Variants in DST observed in about 807,000 individuals in gnomAD.
DST encodes bullous pemphigoid antigen.
A neutral mutation model predicts 875.2 loss-of-function variants in DST; 253 were observed. That is an observed-to-expected ratio of 0.29 (90% CI 0.26 to 0.32). DST has a LOEUF of 0.32. DST is among the 10% of genes least tolerant of loss of function. The pLI is 1.00. For missense variants in DST, 8,287 were observed against 9,111.6 expected (o/e 0.91, Z 3.68); for synonymous variants, 3,124 against 3,197.1 (o/e 0.98, Z 0.77).
At chr6:56,640,710 G>A in intron 17 of DST, 105 bp from the exon 18 acceptor site, 4 of 934,950 alleles carry the variant, frequency 4.3e-6, no homozygotes, top group Non-Finnish European at 5.1e-6. Context: ...ATGTATCAAT[G>A]TTGGCTTATC....
intron 10 of DST, among the ~76,000 whole-genome samples, chr6:56,652,775 T>C (rs1246234868): frequency 3.3e-5 from 5 of 152,178 alleles, no homozygotes; most frequent in Non-Finnish European, 7.4e-5. Context: ...CCTTTAATGT[T>C]TTCAACCTGC....
intron 4 of DST, among the ~76,000 whole-genome samples, chr6:56,822,996 AT>A (rs989249197): frequency 6.6e-5 from 10 of 151,352 alleles, no homozygotes; most frequent in African/African-American, 2.4e-4. Context: ...AGCCTGGCTA[AT>A]TTTTTTTGTA....
chr6:56,529,942 T>A (rs976183975), intron 65 of DST, 32 bp downstream of exon 65: 1 of 1,608,816 alleles, frequency 6.2e-7, no homozygotes, highest in African/African-American at 1.3e-5. Flanking sequence ...CAATAAAAAC[T>A]GAACCTCGCT....
chr6:56,888,184 G>A (rs1785549455), intron 3 of DST, among the ~76,000 whole-genome samples: 3 of 151,996 alleles, frequency 2.0e-5, no homozygotes, highest in East Asian at 1.9e-4. Context: ...TCTTGACCTC[G>A]TGATCCGCCC....
chr6:56,903,763 T>C (rs1440836035), intron 2 of DST, among the ~76,000 whole-genome samples: 1 of 152,212 alleles, frequency 6.6e-6, no homozygotes, highest in Non-Finnish European at 1.5e-5. Context: ...CGGCCAAAAA[T>C]TCTAAACCAC....
intron 87 of DST, among the ~76,000 whole-genome samples, chr6:56,486,849 A>T (rs767277064): frequency 6.6e-6 from 1 of 152,196 alleles, no homozygotes; most frequent in Non-Finnish European, 1.5e-5. Context: ...AGTCAGAAGC[A>T]GTGGGTGTAG....
At chr6:56,808,618 C>T (rs762965615) in intron 4 of DST, among the ~76,000 whole-genome samples, 25 of 152,264 alleles carry the variant, frequency 1.6e-4, no homozygotes, top group Non-Finnish European at 2.6e-4. Context: ...AAGAAGACTA[C>T]GGATGTGGCT....
At chr6:56,938,108 C>CTA (rs3031114) in intron 2 of DST, among the ~76,000 whole-genome samples, 22 of 120,750 alleles carry the variant, frequency 1.8e-4, no homozygotes, top group East Asian at 6.9e-4. Context: ...CTCTCTCTCT[C>CTA]TATATATATA....
intron 86 of DST, among the ~76,000 whole-genome samples, chr6:56,487,488 T>A (rs961313950): frequency 4.6e-5 from 7 of 152,206 alleles, no homozygotes; most frequent in African/African-American, 1.2e-4. Flanking sequence ...ATAAAGTACC[T>A]AAGATATTCA....
In DST at chr6:56,647,227, G is replaced by A. The variant is rs150246103; in HGVS notation, c.1555-1045C>T. On this transcript the variant is annotated intron_variant, in intron 13 of 103. Transcript: ENST00000680361. ...GGACGTCTGTTGGTCATTAAGCACCGAATACTCCTGTGTGCTAAACACTGT... is the reference window on the plus strand; with the variant it reads ...GGACGTCTGTTGGTCATTAAGCACCAAATACTCCTGTGTGCTAAACACTGT... Among the ~76,000 whole-genome samples the A allele has an allele frequency of 5.9e-3, 893 of 152,342 alleles. 4 individuals carry two copies. Among genetic ancestry groups the A allele is most frequent in the African/African-American group, 0.021 (853 of 41,570 alleles).
At chr6:56,750,577 T>C (rs1022327589) in intron 4 of DST, among the ~76,000 whole-genome samples, 10 of 152,096 alleles carry the variant, frequency 6.6e-5, no homozygotes, top group Admixed American at 4.6e-4. Flanking sequence ...CACCTTCTAG[T>C]CCCTAAGACA....
intron 4 of DST, among the ~76,000 whole-genome samples, chr6:56,837,254 ATAC>A (rs895674771): frequency 2.0e-5 from 3 of 152,340 alleles, no homozygotes; most frequent in East Asian, 1.9e-4. Flanking sequence ...TAATAAATAC[ATAC>A]TACAAGTTTT....
Position 56,607,514 on chromosome 6 carries a change from G to T in DST, c.7114C>A (p.Gln2372Lys). The change falls in exon 40 of 104, where the codon CAA (glutamine) becomes AAA (lysine). Residue 2372 changes from glutamine to lysine, a missense_variant. This residue lies in a region of DST where 3,138 missense variants were observed against 3,116.6 expected (regional missense o/e 1.01). Transcript: ENST00000680361. Reference protein sequence around the residue: ...SENILTNYENQSRVETNERAN... With the variant: ...SENILTNYENKSRVETNERAN... ...CGTTCATTTGTTTCCACTCGGCTTT[G>T]ATTTTCATAGTTTGTAAGTATGTTT... 1 of 1,600,312 alleles carries T rather than the reference G, an allele frequency of 6.2e-7. No homozygotes were observed. The highest frequency in any genetic ancestry group is 1.1e-5 in the South Asian group (1 of 89,738).
rs115360093 is a variant in DST, at chr6:56,935,433, C to T, written c.216+18352G>A. On this transcript the variant is annotated intron_variant, in intron 2 of 103. Coordinates refer to ENST00000680361, the MANE Select transcript of DST (RefSeq NM_001374736.1). Reference sequence around the variant, plus strand: ...ACTATTTAATGTTCTTTTAATGATTCTTCAAAGTTGGTCAGTTAGTTATTT... The same window carrying T: ...ACTATTTAATGTTCTTTTAATGATTTTTCAAAGTTGGTCAGTTAGTTATTT... Among the ~76,000 whole-genome samples the T allele has an allele frequency of 9.0e-3, 1,377 of 152,316 alleles. 24 individuals carry two copies. Among genetic ancestry groups the T allele is most frequent in the African/African-American group, 0.031 (1,308 of 41,574 alleles).
intron 50 of DST, 62 bp downstream of exon 50, chr6:56,578,752 A>T (rs543591020): frequency 1.9e-6 from 3 of 1,569,130 alleles, no homozygotes; most frequent in Non-Finnish European, 2.6e-6. Context: ...CTCCATATCT[A>T]TTAGGACACC....
chr6:56,742,220 C>G (rs1440542878), intron 4 of DST: 1 of 1,155,698 alleles, frequency 8.7e-7, no homozygotes, highest in Non-Finnish European at 1.2e-6. Context: ...TGCAACTTTC[C>G]CTTCCCAGTT....
At chr6:56,862,258 T>C (rs1270782051) in intron 3 of DST, among the ~76,000 whole-genome samples, 1 of 152,108 alleles carries the variant, frequency 6.6e-6, no homozygotes, top group East Asian at 1.9e-4. Context: ...CCAGCATCCT[T>C]TCTCATTTTA....
chr6:56,527,532 C>T lies in DST; in HGVS notation c.17883G>A (p.Leu5961=), dbSNP rs1297358590. The T allele has an allele frequency of 1.2e-6, 2 of 1,613,688 alleles. No individual in the cohort carries two copies. Among genetic ancestry groups the T allele is most frequent in the Admixed American group, 1.7e-5 (1 of 59,898 alleles). The change falls in exon 68 of 104, where the codon CTG becomes CTA. Residue 5961 remains leucine (L), a synonymous_variant. Coordinates refer to ENST00000680361, the MANE Select transcript of DST (RefSeq NM_001374736.1). ...GTGCTTGACTTGCTTCTTCTCCTTT[C>T]AGAACCTGAGTTTCATATGAAAGTA... ...VELLSYETQV[L]KGEEASQAQM...
At position 56,470,295 on chromosome 6, in the gene DST, A is replaced by C; in HGVS notation, c.22322-13T>G. ...CTGGTTGGAAACTCTAAAATTTTGA[A>C]AACAATGGTAAGTAGTGACTTGTTA... On this transcript the variant is annotated splice_polypyrimidine_tract_variant and intron_variant, in intron 95 of 103. Coordinates refer to ENST00000680361, the MANE Select transcript of DST (RefSeq NM_001374736.1). 6.3e-7 allele frequency: 1 copy of C among 1,582,906 alleles called. No individual in the cohort carries two copies. The highest frequency in any genetic ancestry group is 8.6e-7 in the Non-Finnish European group (1 of 1,161,866).
Sources: gnomAD v4.1 joint callset for allele counts (sites outside exome capture counted in the v4.1 genomes callset) on GRCh38, gnomAD v4.1.1 for gene constraint, gnomAD v4.1.1 regional missense constraint, MANE v1.5 for transcripts, NCBI Gene and HGNC (gene_info 2026-07-23, HGNC 2026-07-21) for gene names.